CELF2: variants seen among roughly 807,000 people sequenced by gnomAD.
CELF2 encodes the protein CUG triplet repeat RNA-binding protein 2.
A neutral mutation model predicts 62.6 loss-of-function variants in CELF2; 8 were observed. The ratio of observed to expected loss-of-function variants is 0.13; its 90% CI spans 0.07 to 0.23. CELF2 has a LOEUF of 0.23. Ranked by LOEUF, CELF2 falls within the 10% of genes least tolerant of loss-of-function variation. The pLI is 1.00. For synonymous variants in CELF2, 258 were observed against 250.0 expected (o/e 1.03, Z -0.30); for missense variants, 333 against 671.0 (o/e 0.50, Z 5.56).
chr10:10,785,382 A>C, the CELF2 span, among the ~76,000 whole-genome samples: 218 of 152,330 alleles, frequency 1.4e-3, no homozygotes, highest in East Asian at 5.4e-3. Flanking sequence ...CTATATATCC[A>C]AAGGAAATAA....
the CELF2 span, among the ~76,000 whole-genome samples, chr10:10,656,640 A>G: frequency 8.2e-6 from 1 of 121,906 alleles, no homozygotes; most frequent in Non-Finnish European, 1.7e-5. Context: ...CAAACAGCGC[A>G]TATTCTCACT....
intron 1 of CELF2, among the ~76,000 whole-genome samples, chr10:11,060,310 C>T (rs937109651): frequency 5.9e-5 from 9 of 152,312 alleles, no homozygotes; most frequent in Non-Finnish European, 7.4e-5. Flanking sequence ...GCACCGTTCC[C>T]GGCATAGTCA....
chr10:11,248,429 C>T lies in CELF2; in HGVS notation c.355-724C>T, dbSNP rs547548182. Among the ~76,000 whole-genome samples the T allele has an allele frequency of 3.3e-5, 5 of 152,248 alleles. No individual in the cohort carries two copies. In the East Asian group the frequency reaches 5.8e-4, roughly 18 times the overall value. On this transcript the variant is annotated intron_variant, in intron 3 of 12. Transcript: ENST00000633077. ...AGGTGTCTCCCTCCCTTCCACCCTC[C>T]TCCTCTCCATCCTTCCTTCCATCCT... is the stretch of plus-strand genomic sequence containing the variant.
intron 2 of CELF2, among the ~76,000 whole-genome samples, chr10:10,999,967 A>G (rs1211930788): frequency 6.6e-6 from 1 of 152,214 alleles, no homozygotes; most frequent in Non-Finnish European, 1.5e-5. Flanking sequence ...AAAAATAGCA[A>G]GAATAAACTT....
rs1182965017 is a variant in CELF2, at chr10:11,311,482, G to C, written c.977-2657G>C. On this transcript the variant is annotated intron_variant, in intron 9 of 12. Coordinates refer to ENST00000633077, the MANE Select transcript of CELF2 (RefSeq NM_001326342.2). The surrounding 1 kb of genome is among the most constrained non-coding windows in gnomAD (Gnocchi z 4.7). ...AATATACAAGTAAACCAAGCACCAA[G>C]AGTGAGAAATAGCAGGGACATTATT... 1.3e-5 allele frequency among the ~76,000 whole-genome samples: 2 copies of C among 152,080 alleles called. No individual in the cohort carries two copies. The highest frequency in any genetic ancestry group is 2.9e-5 in the Non-Finnish European group (2 of 68,014).
chr10:11,025,313 T>G (rs1222987934), intron 1 of CELF2, among the ~76,000 whole-genome samples: 1 of 151,898 alleles, frequency 6.6e-6, no homozygotes, highest in Admixed American at 6.6e-5. Flanking sequence ...CCCACCCAGA[T>G]CTCATCTTGA....
chr10:10,621,612 A>G, the CELF2 span, among the ~76,000 whole-genome samples: 3 of 152,196 alleles, frequency 2.0e-5, no homozygotes, highest in Non-Finnish European at 4.4e-5. Context: ...TGCCTAGCAC[A>G]TAAGACATTC....
rs955445789 is a variant in CELF2 at position 11,165,971 on chromosome 10, G to A, written c.271+289G>A. Reference sequence around the variant, plus strand: ...CTCCCGGGAGGTCACTTTCTAGGCAGCCCAGCCTGTGCTTGGGCGGGGTGG... The same window carrying A: ...CTCCCGGGAGGTCACTTTCTAGGCAACCCAGCCTGTGCTTGGGCGGGGTGG... On this transcript the variant is annotated intron_variant, in intron 2 of 12. Coordinates refer to ENST00000633077, the MANE Select transcript of CELF2 (RefSeq NM_001326342.2). This position sits in a 1 kb window ranked among gnomAD's most constrained non-coding sequence, Gnocchi z 7.4. Among the ~76,000 whole-genome samples the A allele has an allele frequency of 6.6e-6, 1 of 152,248 alleles. No homozygotes were observed. The highest frequency in any genetic ancestry group is 2.4e-5 in the African/African-American group (1 of 41,476).
the CELF2 span, among the ~76,000 whole-genome samples, chr10:10,731,587 T>C: frequency 6.6e-6 from 1 of 152,190 alleles, no homozygotes; most frequent in Non-Finnish European, 1.5e-5. Context: ...CAGTGTGAAA[T>C]GTAAAATAAG....
rs761776822 is a variant in CELF2, at chr10:11,005,473, G to A, written c.53+33G>A. On this transcript the variant is annotated intron_variant, in intron 1 of 12. Transcript: ENST00000416382. This position sits in a 1 kb window ranked among gnomAD's most constrained non-coding sequence, Gnocchi z 4.3. The stretch of plus-strand genomic sequence containing the variant: ...GTTGTGTCCTTTGTTTTTAATGCAC[G>A]CTTTTCTAGTTTCTAGAGCTGGCTG... 6.2e-6 allele frequency: 10 copies of A among 1,613,728 alleles called. No homozygotes were observed. Among genetic ancestry groups the A allele is most frequent in the South Asian group, 1.1e-5 (1 of 91,068 alleles).
chr10:10,970,023 A>T (rs1248250892), intron 2 of CELF2, among the ~76,000 whole-genome samples: 1 of 152,148 alleles, frequency 6.6e-6, no homozygotes, highest in South Asian at 2.1e-4. Flanking sequence ...AACTACAATG[A>T]CATCTTTAGA....
chr10:10,684,956 C>T, the CELF2 span, among the ~76,000 whole-genome samples: 1 of 152,238 alleles, frequency 6.6e-6, no homozygotes, highest in East Asian at 1.9e-4. Context: ...TTTCCCATAT[C>T]TCAGTGGATT....
the CELF2 span, among the ~76,000 whole-genome samples, chr10:10,566,099 G>A: frequency 5.7e-4 from 87 of 152,218 alleles, no homozygotes; most frequent in African/African-American, 8.7e-4. Context: ...TATCCAACAC[G>A]TGAGGACACA....
rs35245941 is a variant in CELF2, at chr10:11,243,359, CAAA to C, written c.355-5779_355-5777del. Among the ~76,000 whole-genome samples, 83 of 91,246 alleles carry C rather than the reference CAAA, an allele frequency of 9.1e-4. No homozygotes were observed. The highest frequency in any genetic ancestry group is 2.7e-3 in the African/African-American group (77 of 28,152). 59.9% of individuals were successfully genotyped at this position (91,246 alleles called of 152,430 possible). ...GTGCGGCTTTAGGCAAAATGTTATT[CAAA>C]AAAAAAAAAAAAAAGCTTCTAAAAA... On this transcript the variant is annotated intron_variant, in intron 3 of 12. Coordinates refer to ENST00000633077, the MANE Select transcript of CELF2 (RefSeq NM_001326342.2). The surrounding 1 kb of genome is among the most constrained non-coding windows in gnomAD (Gnocchi z 4.1).
At chr10:10,616,295 G>GGTGTGTGT in the CELF2 span, among the ~76,000 whole-genome samples, 1,434 of 143,920 alleles carry the variant, frequency 1.0e-2, 18 homozygotes, top group African/African-American at 0.033. Flanking sequence ...TTTTGTTTGG[G>GGTGTGTGT]GTGTGTGTGT....
At chr10:10,647,051 T>C in the CELF2 span, among the ~76,000 whole-genome samples, 1 of 152,100 alleles carries the variant, frequency 6.6e-6, no homozygotes, top group African/African-American at 2.4e-5. Flanking sequence ...ATAAATAGGG[T>C]CACATACTCC....
rs2095596992 is a variant in CELF2 at position 11,324,066 on chromosome 10, AC to A, written c.1295-1768del. ...GGAATATCAGGAGCAAAAGGACAAA[AC>A]CTACTTGTGTGCGTTTACTGGTCTC... is the stretch of plus-strand genomic sequence containing the variant. On this transcript the variant is annotated intron_variant, in intron 11 of 12. Transcript: ENST00000633077. The surrounding 1 kb of genome is among the most constrained non-coding windows in gnomAD (Gnocchi z 4.7). Among the ~76,000 whole-genome samples, 1 of 151,904 alleles carries A rather than the reference AC, an allele frequency of 6.6e-6. No homozygotes were observed. Among genetic ancestry groups the A allele is most frequent in the Non-Finnish European group, 1.5e-5 (1 of 67,958 alleles).
the CELF2 span, among the ~76,000 whole-genome samples, chr10:10,743,954 AT>A: frequency 6.6e-6 from 1 of 152,232 alleles, no homozygotes; most frequent in African/African-American, 2.4e-5. Flanking sequence ...TGGATATGGT[AT>A]ATAAATGTAA....
intron 1 of CELF2, among the ~76,000 whole-genome samples, chr10:10,864,785 C>T (rs942245459): frequency 2.0e-5 from 3 of 152,196 alleles, no homozygotes; most frequent in African/African-American, 7.2e-5. Context: ...ATATTCAGTT[C>T]ATAACCAACC....
Sources: gnomAD v4.1 joint callset for allele counts (sites outside exome capture counted in the v4.1 genomes callset) on GRCh38, gnomAD v4.1.1 for gene constraint, Gnocchi (gnomAD v3.1) non-coding constraint, MANE v1.5 for transcripts, NCBI Gene and HGNC (gene_info 2026-07-23, HGNC 2026-07-21) for gene names.